The following MAPT variants were observed in gnomAD, a reference collection of about 807,000 sequenced individuals.
The protein encoded by MAPT is microtubule associated protein tau.
MAPT carries 34 observed loss-of-function variants against 67.9 expected under a neutral mutation model. The observed-to-expected ratio is 0.50, with a 90% CI of 0.38 to 0.67. MAPT has a LOEUF of 0.67. MAPT is among the 30% of genes least tolerant of loss of function. MAPT has a pLI of 0.00. For synonymous variants in MAPT, 456 were observed against 464.5 expected (o/e 0.98, Z 0.23); for missense variants, 881 against 1,115.2 (o/e 0.79, Z 2.99).
intron 2 of MAPT, 49 bp downstream of exon 2, chr17:45,962,519 G>A (rs781346051): frequency 7.5e-6 from 12 of 1,608,618 alleles, no homozygotes; most frequent in African/African-American, 1.3e-5. Flanking sequence ...CAAGCCAAGG[G>A]GTGGCGGGAA....
In MAPT at chr17:45,906,021, G is replaced by A. The variant is rs1277102553; in HGVS notation, c.-18+11335G>A. Among the ~76,000 whole-genome samples, 3 of 152,206 alleles carry A rather than the reference G, an allele frequency of 2.0e-5. No individual in the cohort carries two copies. The highest frequency in any genetic ancestry group is 2.9e-5 in the Non-Finnish European group (2 of 68,038). On this transcript the variant is annotated intron_variant, in intron 1 of 12. Transcript: ENST00000262410. The surrounding 1 kb of genome is among the most constrained non-coding windows in gnomAD (Gnocchi z 4.3). ...CGGTGCAGCTGGTTCCTAGGGGTGA[G>A]GGCTGAGCCAGCAGGGTCCGTGCCC...
chr17:45,963,666 T>C (rs1051885590), intron 2 of MAPT, among the ~76,000 whole-genome samples: 2 of 152,178 alleles, frequency 1.3e-5, no homozygotes, highest in Non-Finnish European at 2.9e-5. Context: ...GTATGGGTAG[T>C]GCATGGAAGC....
intron 1 of MAPT, among the ~76,000 whole-genome samples, chr17:45,903,861 ATATT>A: frequency 1.9e-5 from 1 of 52,738 alleles, no homozygotes; most frequent in South Asian, 4.1e-4. Flanking sequence ...TATATTATAT[ATATT>A]ATATATTATA....
chr17:46,018,147 GAAA>G (rs34759303), intron 11 of MAPT, among the ~76,000 whole-genome samples: 3 of 117,756 alleles, frequency 2.5e-5, no homozygotes, highest in Non-Finnish European at 3.8e-5. Context: ...TCTGTCTCAA[GAAA>G]AAAAAAAAAA....
chr17:46,021,757 T>C (rs1194473709), intron 12 of MAPT, among the ~76,000 whole-genome samples: 1 of 152,122 alleles, frequency 6.6e-6, no homozygotes, highest in Non-Finnish European at 1.5e-5. Context: ...CCACGCTGAG[T>C]CTCAGCTTCT....
intron 1 of MAPT, among the ~76,000 whole-genome samples, chr17:45,909,907 G>T (rs2064636775): frequency 6.7e-6 from 1 of 150,174 alleles, no homozygotes; most frequent in Non-Finnish European, 1.5e-5. Flanking sequence ...ATGCCTGGTG[G>T]AGCACTACGT....
intron 1 of MAPT, among the ~76,000 whole-genome samples, chr17:45,928,627 T>C (rs543131835): frequency 6.6e-6 from 1 of 152,034 alleles, no homozygotes; most frequent in Non-Finnish European, 1.5e-5. Context: ...CCTAGGCCAA[T>C]TGGATCCAAA....
chr17:45,895,405 C>G (rs1259754937), intron 1 of MAPT: 1 of 149,696 alleles, frequency 6.7e-6, no homozygotes, highest in Non-Finnish European at 1.5e-5. Context: ...ACGCCTGGCA[C>G]AGAGACGCGA....
At chr17:45,916,161 C>T (rs967818295) in intron 1 of MAPT, among the ~76,000 whole-genome samples, 40 of 152,184 alleles carry the variant, frequency 2.6e-4, no homozygotes, top group African/African-American at 9.4e-4. Context: ...CTTTGGGGGC[C>T]GTCTCTACAC....
chr17:46,010,677 G>T lies in MAPT; in HGVS notation c.2091+275G>T, dbSNP rs899252627. On this transcript the variant is annotated intron_variant, in intron 10 of 12. Transcript: ENST00000262410. The surrounding 1 kb of genome is among the most constrained non-coding windows in gnomAD (Gnocchi z 4.7). Reference sequence around the variant, plus strand: ...GCTGTGTGGACAGAATAGGGCAGATGACGGACCCTCTCTCCGGACCCTGCC... The same window carrying T: ...GCTGTGTGGACAGAATAGGGCAGATTACGGACCCTCTCTCCGGACCCTGCC... 2.0e-5 allele frequency among the ~76,000 whole-genome samples: 3 copies of T among 152,268 alleles called. No homozygotes were observed. Among genetic ancestry groups the T allele is most frequent in the East Asian group, 3.9e-4 (2 of 5,178 alleles).
intron 1 of MAPT, among the ~76,000 whole-genome samples, chr17:45,920,431 C>A (rs1313344113): frequency 6.6e-6 from 1 of 152,222 alleles, no homozygotes; most frequent in Non-Finnish European, 1.5e-5. Context: ...AGGCCACCTT[C>A]CCATGGTCCC....
chr17:45,983,105 C>G lies in MAPT; in HGVS notation c.526C>G (p.Gln176Glu). The G allele has an allele frequency of 6.4e-7, 1 of 1,555,712 alleles. No homozygotes were observed. Among genetic ancestry groups the G allele is most frequent in the Non-Finnish European group, 8.7e-7 (1 of 1,148,402 alleles). The stretch of plus-strand genomic sequence containing the variant: ...TCAGGAGCCCTCCCTGGAGTGGGGA[C>G]AAAAAGGCGGGGACTGGGCCGAGAA... Reference protein sequence around the residue: ...GPQEPSLEWGQKGGDWAEKGP... With the variant: ...GPQEPSLEWGEKGGDWAEKGP... The change falls in exon 5 of 13, where the codon CAA (glutamine) becomes GAA (glutamate). Residue 176 changes from glutamine (Q) to glutamate (E), a missense_variant. Gln to Glu is a conservative substitution (Grantham distance 29, BLOSUM62 2). Transcript: ENST00000262410.
chr17:45,898,248 G>A (rs2063394327), intron 1 of MAPT: 1 of 152,270 alleles, frequency 6.6e-6, no homozygotes, highest in African/African-American at 2.4e-5. Flanking sequence ...GGCTTTGCTG[G>A]GTTTTGGATG....
chr17:45,917,803 C>A (rs1457503278), intron 1 of MAPT, among the ~76,000 whole-genome samples: 2 of 150,974 alleles, frequency 1.3e-5, no homozygotes, highest in Non-Finnish European at 2.9e-5. Context: ...TAAGACAGAG[C>A]CTTGCTGTCA....
At chr17:45,911,604 T>A (rs887272509) in intron 1 of MAPT, among the ~76,000 whole-genome samples, 9 of 150,544 alleles carry the variant, frequency 6.0e-5, no homozygotes, top group Admixed American at 3.3e-4. Flanking sequence ...CTACAAAAAA[T>A]TTTTTAAAAA....
intron 1 of MAPT, among the ~76,000 whole-genome samples, chr17:45,944,088 A>T (rs2068237421): frequency 6.6e-6 from 1 of 152,176 alleles, no homozygotes; most frequent in South Asian, 2.1e-4. Flanking sequence ...ACCTCGCATC[A>T]GTCCAGAATA....
At position 46,002,461 on chromosome 17, in the gene MAPT, C is replaced by T. The variant is rs184997014; in HGVS notation, c.1998+5797C>T. Among the ~76,000 whole-genome samples, 234 of 152,048 alleles carry T rather than the reference C, an allele frequency of 1.5e-3. 1 individual carries two copies. Among genetic ancestry groups the T allele is most frequent in the African/African-American group, 5.2e-3 (216 of 41,478 alleles). ...GAACTGGGGACCCTGTGACTGCCAG[C>T]GGGGAGAAGGGGGTGTGCAGGATCA... On this transcript the variant is annotated intron_variant, in intron 9 of 12. Coordinates refer to ENST00000262410, the MANE Select transcript of MAPT (RefSeq NM_001377265.1).
intron 12 of MAPT, among the ~76,000 whole-genome samples, chr17:46,019,530 C>A (rs1404069009): frequency 2.6e-5 from 4 of 152,024 alleles, no homozygotes; most frequent in Non-Finnish European, 5.9e-5. Context: ...CTATGCCTGG[C>A]TAAATATTTT....
chr17:45,929,727 T>C (rs2066674153), intron 1 of MAPT, among the ~76,000 whole-genome samples: 1 of 152,258 alleles, frequency 6.6e-6, no homozygotes, highest in African/African-American at 2.4e-5. Flanking sequence ...CTTTCTTCTT[T>C]CCTTGTTATT....
Sources: gnomAD v4.1 joint callset for allele counts (sites outside exome capture counted in the v4.1 genomes callset) on GRCh38, gnomAD v4.1.1 for gene constraint, Gnocchi (gnomAD v3.1) non-coding constraint, MANE v1.5 for transcripts, NCBI Gene and HGNC (gene_info 2026-07-23, HGNC 2026-07-21) for gene names.